The following CDH12 variants were observed in gnomAD, a reference collection of about 807,000 sequenced individuals.
The protein encoded by CDH12 is cadherin-12.
Under a neutral mutation model 74.1 loss-of-function variants are expected in CDH12, and 41 were observed. The observed-to-expected ratio is 0.55, with a 90% CI of 0.43 to 0.72. The LOEUF (loss-of-function observed/expected upper bound fraction) is 0.72, where lower values mean the gene tolerates loss of function less well. Among genes scored for constraint, CDH12 ranks in the 30% least tolerant of loss-of-function variants. The pLI, the probability that CDH12 is intolerant of heterozygous loss-of-function variation, is 0.00. For synonymous variants in CDH12, 399 were observed against 355.0 expected (o/e 1.12, Z -1.39); for missense variants, 945 against 977.2 (o/e 0.97, Z 0.44).
At chr5:22,744,531 T>G (rs1015702038) in intron 1 of CDH12, among the ~76,000 whole-genome samples, 1 of 152,246 alleles carries the variant, frequency 6.6e-6, no homozygotes, top group Non-Finnish European at 1.5e-5. Flanking sequence ...TTTTACATTA[T>G]TTATTTTACA....
intron 4 of CDH12, among the ~76,000 whole-genome samples, chr5:22,101,990 A>G (rs541997372): frequency 1.3e-5 from 2 of 152,194 alleles, no homozygotes; most frequent in Non-Finnish European, 2.9e-5. Context: ...TATTTACAAA[A>G]TCAGGAAATG....
intron 4 of CDH12, among the ~76,000 whole-genome samples, chr5:22,104,000 T>C (rs1158371124): frequency 6.6e-6 from 1 of 152,146 alleles, no homozygotes; most frequent in East Asian, 1.9e-4. Flanking sequence ...TTTGTAAGGG[T>C]TGTATTCACT....
chr5:22,524,222 A>G (rs1580731712), intron 1 of CDH12, among the ~76,000 whole-genome samples: 1 of 152,124 alleles, frequency 6.6e-6, no homozygotes, highest in Non-Finnish European at 1.5e-5. Flanking sequence ...CCTGAGTTCA[A>G]TCAATCCACC....
chr5:22,589,448 G>A (rs768247962), intron 1 of CDH12, among the ~76,000 whole-genome samples: 4 of 152,140 alleles, frequency 2.6e-5, no homozygotes, highest in Non-Finnish European at 5.9e-5. Flanking sequence ...AACCTGTCAC[G>A]TTGTTCTCTA....
intron 1 of CDH12, among the ~76,000 whole-genome samples, chr5:22,835,040 T>A (rs944170232): frequency 9.2e-5 from 14 of 152,122 alleles, no homozygotes; most frequent in African/African-American, 3.4e-4. Context: ...CTGTCTAATC[T>A]TGTAATAAAT....
chr5:22,480,114 C>T (rs1317150293), intron 2 of CDH12, among the ~76,000 whole-genome samples: 2 of 152,092 alleles, frequency 1.3e-5, no homozygotes, highest in African/African-American at 4.8e-5. Context: ...TATTTTTGTT[C>T]ACACAGATCA....
chr5:21,844,841 A>G (rs1750070441), intron 7 of CDH12, among the ~76,000 whole-genome samples: 1 of 152,174 alleles, frequency 6.6e-6, no homozygotes, highest in Non-Finnish European at 1.5e-5. Flanking sequence ...ATGGATAGTG[A>G]TATAGTGATA....
chr5:22,027,751 C>T (rs1170111911), intron 5 of CDH12, among the ~76,000 whole-genome samples: 2 of 151,810 alleles, frequency 1.3e-5, no homozygotes, highest in African/African-American at 2.4e-5. Context: ...TTTGTTGATC[C>T]TTTCAAAAAA....
intron 6 of CDH12, among the ~76,000 whole-genome samples, chr5:21,961,044 A>G (rs926187971): frequency 6.6e-6 from 1 of 151,916 alleles, no homozygotes; most frequent in South Asian, 2.1e-4. Flanking sequence ...AAAACTTGAA[A>G]TTAGACTACA....
intron 2 of CDH12, among the ~76,000 whole-genome samples, chr5:22,479,573 A>G (rs1746302748): frequency 6.6e-6 from 1 of 152,198 alleles, no homozygotes; most frequent in Non-Finnish European, 1.5e-5. Context: ...TGACTTGAAT[A>G]GATATGCTGG....
At chr5:22,161,519 A>G (rs1052886801) in intron 4 of CDH12, among the ~76,000 whole-genome samples, 5 of 152,034 alleles carry the variant, frequency 3.3e-5, no homozygotes, top group African/African-American at 1.2e-4. Context: ...CAACATAGCA[A>G]GACCCTGTCT....
chr5:21,857,099 T>G (rs1750792270), intron 6 of CDH12, among the ~76,000 whole-genome samples: 1 of 151,930 alleles, frequency 6.6e-6, no homozygotes, highest in South Asian at 2.1e-4. Context: ...GTCAATTGCC[T>G]GGAGCATGCA....
intron 12 of CDH12, among the ~76,000 whole-genome samples, chr5:21,763,294 T>C (rs1233479486): frequency 2.0e-5 from 3 of 152,176 alleles, no homozygotes; most frequent in Non-Finnish European, 4.4e-5. Flanking sequence ...TCACCACAAA[T>C]TGAGCACTTG....
At chr5:22,147,550 C>T (rs1400084213) in intron 4 of CDH12, among the ~76,000 whole-genome samples, 5 of 150,788 alleles carry the variant, frequency 3.3e-5, no homozygotes, top group Non-Finnish European at 7.4e-5. Flanking sequence ...CATTTTCATG[C>T]TGCTGATTAA....
chr5:21,932,548 G>C (rs771938676), intron 6 of CDH12, among the ~76,000 whole-genome samples: 4 of 152,024 alleles, frequency 2.6e-5, no homozygotes, highest in Non-Finnish European at 5.9e-5. Flanking sequence ...TGTTTTCACT[G>C]TCTTGTCTGT....
chr5:22,448,072 G>A (rs552007059), intron 2 of CDH12, among the ~76,000 whole-genome samples: 3 of 146,454 alleles, frequency 2.0e-5, no homozygotes, highest in South Asian at 2.2e-4. Context: ...AGGATTGCTT[G>A]AGCCCAAGAG....
intron 4 of CDH12, among the ~76,000 whole-genome samples, chr5:22,117,493 ATATATATAAT>A (rs1745224642): frequency 4.1e-5 from 3 of 73,304 alleles, no homozygotes; most frequent in African/African-American, 1.9e-4. Flanking sequence ...TATATATTAT[ATATATATAAT>A]ATATATATAA....
chr5:22,588,890 G>T (rs1740542187), intron 1 of CDH12, among the ~76,000 whole-genome samples: 1 of 151,990 alleles, frequency 6.6e-6, no homozygotes, highest in Non-Finnish European at 1.5e-5. Context: ...CTCTTGCATT[G>T]TAATTTTTTC....
At chr5:22,291,222 C>A (rs989805968) in intron 3 of CDH12, among the ~76,000 whole-genome samples, 1 of 152,070 alleles carries the variant, frequency 6.6e-6, no homozygotes, top group Non-Finnish European at 1.5e-5. Flanking sequence ...TGTGTCTCAA[C>A]ATAATAAAGA....
Sources: gnomAD v4.1 joint callset for allele counts (sites outside exome capture counted in the v4.1 genomes callset) on GRCh38, gnomAD v4.1.1 for gene constraint, MANE v1.5 for transcripts, NCBI Gene and HGNC (gene_info 2026-07-23, HGNC 2026-07-21) for gene names.